C9orf85: variants seen among roughly 807,000 people sequenced by gnomAD.
The protein encoded by C9orf85 is chromosome 9 open reading frame 85.
C9orf85 carries 16 observed loss-of-function variants against 14.9 expected under a neutral mutation model. The observed-to-expected ratio is 1.08, with a 90% confidence interval of 0.73 to 1.63. C9orf85 has a LOEUF of 1.63. Among genes scored for constraint, C9orf85 ranks in the 40% most tolerant of loss-of-function variants. The pLI, the probability that C9orf85 is intolerant of heterozygous loss-of-function variation, is 0.00. For synonymous variants in C9orf85, 45 were observed against 56.8 expected (o/e 0.79, Z 0.93); for missense variants, 172 against 186.1 (o/e 0.92, Z 0.44).
intron 1 of C9orf85, among the ~76,000 whole-genome samples, chr9:71,914,687 C>T (rs562727135): frequency 6.6e-6 from 1 of 152,250 alleles, no homozygotes; most frequent in African/African-American, 2.4e-5. Flanking sequence ...AGAGTATATT[C>T]AAATTTTGTG....
intron 2 of C9orf85, among the ~76,000 whole-genome samples, chr9:71,949,729 A>T (rs143588057): frequency 1.4e-3 from 213 of 152,294 alleles, no homozygotes; most frequent in African/African-American, 4.9e-3. Context: ...TCATGGGGAA[A>T]ATGTGATAGG....
chr9:71,921,718 A>G lies in C9orf85; in HGVS notation c.102+9882A>G, dbSNP rs1047958383. ...CTCTAAATTGATTGAGACCTGTCTC[A>G]AATTCTTTTTGGTTTACAAATGAAG... On this transcript the variant is annotated intron_variant, in intron 1 of 3. Transcript: ENST00000334731. 2.6e-5 allele frequency among the ~76,000 whole-genome samples: 4 copies of G among 152,310 alleles called. No individual in the cohort carries two copies. In the East Asian group the frequency reaches 7.7e-4, roughly 29 times the overall value.
intron 2 of C9orf85, among the ~76,000 whole-genome samples, chr9:71,954,737 T>G (rs1300146997): frequency 1.3e-5 from 2 of 152,142 alleles, no homozygotes. Flanking sequence ...CAGCAGGTCT[T>G]TATGACCTGT....
chr9:71,938,230 A>AT (rs541094127), intron 1 of C9orf85, among the ~76,000 whole-genome samples: 10 of 152,104 alleles, frequency 6.6e-5, no homozygotes, highest in Non-Finnish European at 1.0e-4. Context: ...TAGTAAGTTG[A>AT]TTATAGCAAG....
At chr9:71,982,653 T>C (rs1226702356) in intron 3 of C9orf85, 3 of 317,062 alleles carry the variant, frequency 9.5e-6, no homozygotes, top group Non-Finnish European at 1.7e-5. Context: ...TTTTTTTTTT[T>C]CAGATGGAGT....
At chr9:71,948,970 T>C (rs1822173502) in intron 2 of C9orf85, among the ~76,000 whole-genome samples, 1 of 152,262 alleles carries the variant, frequency 6.6e-6, no homozygotes, top group African/African-American at 2.4e-5. Context: ...TGGCAACTAT[T>C]TGCATTACCC....
chr9:71,971,471 C>A, intron 2 of C9orf85, 34 bp from the exon 3 acceptor site: 1 of 1,257,258 alleles, frequency 8.0e-7, no homozygotes, highest in Non-Finnish European at 1.1e-6. Context: ...CTGAAATAAA[C>A]ATAAATAAGT....
At chr9:71,915,726 T>C (rs539284151) in intron 1 of C9orf85, among the ~76,000 whole-genome samples, 3 of 152,356 alleles carry the variant, frequency 2.0e-5, no homozygotes, top group East Asian at 1.9e-4. Context: ...TTTCTAGATA[T>C]GTCTGTATGA....
At chr9:71,976,644 A>G (rs1304170238), downstream of C9orf85, among the ~76,000 whole-genome samples, 2 of 151,216 alleles carry the variant, frequency 1.3e-5, no homozygotes, top group Non-Finnish European at 2.9e-5. Flanking sequence ...CCTGGGACAC[A>G]GAGCGAGACT....
At chr9:71,954,494 C>T (rs1406847824) in intron 2 of C9orf85, among the ~76,000 whole-genome samples, 1 of 152,116 alleles carries the variant, frequency 6.6e-6, no homozygotes, top group African/African-American at 2.4e-5. Flanking sequence ...GAGCCGAGGG[C>T]TGCTGGTTGC....
intron 2 of C9orf85, among the ~76,000 whole-genome samples, chr9:71,957,452 T>TA (rs1159431764): frequency 6.6e-6 from 1 of 152,184 alleles, no homozygotes; most frequent in East Asian, 1.9e-4. Flanking sequence ...ACTGATTACT[T>TA]ACTGCTGCAA....
At chr9:71,963,112 GTTTTT>G in intron 2 of C9orf85, among the ~76,000 whole-genome samples, 1 of 152,068 alleles carries the variant, frequency 6.6e-6, no homozygotes, top group Non-Finnish European at 1.5e-5. Flanking sequence ...AATCTTAAGC[GTTTTT>G]TGTTTTTTAA....
At chr9:71,911,936 A>G (rs570558604) in intron 1 of C9orf85, 100 bp downstream of exon 1, 2 of 1,026,242 alleles carry the variant, frequency 1.9e-6, no homozygotes, top group Non-Finnish European at 3.1e-6. Flanking sequence ...GCGAGTGTGG[A>G]CCGCAGCCCA....
At chr9:71,966,588 T>C (rs1397548811) in intron 2 of C9orf85, among the ~76,000 whole-genome samples, 3 of 152,144 alleles carry the variant, frequency 2.0e-5, no homozygotes, top group Non-Finnish European at 4.4e-5. Context: ...GTACAAATTT[T>C]ATTGTGTGCA....
At chr9:71,923,002 C>T (rs912270695) in intron 1 of C9orf85, among the ~76,000 whole-genome samples, 3 of 152,140 alleles carry the variant, frequency 2.0e-5, no homozygotes, top group Admixed American at 6.5e-5. Context: ...TGGTGGTGCA[C>T]GCCTGTAACC....
At chr9:71,974,551 G>C (rs1053359159), downstream of C9orf85, among the ~76,000 whole-genome samples, 1 of 151,988 alleles carries the variant, frequency 6.6e-6, no homozygotes, top group Non-Finnish European at 1.5e-5. Flanking sequence ...CCCATAGTTT[G>C]TTTTTTCTAA....
At chr9:71,932,799 G>A (rs1014190269) in intron 1 of C9orf85, among the ~76,000 whole-genome samples, 13 of 152,154 alleles carry the variant, frequency 8.5e-5, no homozygotes, top group Admixed American at 5.9e-4. Flanking sequence ...TGAAAAAGAA[G>A]TGATGGTGGA....
downstream of C9orf85, among the ~76,000 whole-genome samples, chr9:71,974,249 C>CTTT (rs35308335): frequency 3.6e-5 from 5 of 139,732 alleles, no homozygotes; most frequent in South Asian, 2.3e-4. Flanking sequence ...TTTTATTTTA[C>CTTT]TTTTTTTTTT....
At chr9:71,971,866 C>T (rs998202888) in intron 3 of C9orf85, among the ~76,000 whole-genome samples, 1 of 150,204 alleles carries the variant, frequency 6.7e-6, no homozygotes, top group Non-Finnish European at 1.5e-5. Flanking sequence ...CCCAATTACT[C>T]GGGAGTCTAA....
Sources: gnomAD v4.1 joint callset for allele counts (sites outside exome capture counted in the v4.1 genomes callset) on GRCh38, gnomAD v4.1.1 for gene constraint, MANE v1.5 for transcripts, NCBI Gene and HGNC (gene_info 2026-07-23, HGNC 2026-07-21) for gene names.